Variants in RC3H1 observed in about 807,000 individuals in gnomAD.
The protein encoded by RC3H1 is roquin-1.
A neutral mutation model predicts 138.2 loss-of-function variants in RC3H1; 50 were observed. That is an observed-to-expected ratio of 0.36 (90% CI 0.29 to 0.46). The LOEUF (loss-of-function observed/expected upper bound fraction) is 0.46, where lower values mean the gene tolerates loss of function less well. Ranked by LOEUF, RC3H1 falls within the 20% of genes least tolerant of loss-of-function variation. The probability of loss-of-function intolerance (pLI) is 1.00; values close to 1 mark genes in which losing one functional copy is unlikely to be tolerated. For missense variants in RC3H1, 1,031 were observed against 1,388.1 expected, an observed-to-expected ratio of 0.74 and a Z score of 4.09; for synonymous variants, 462 against 489.1, an observed-to-expected ratio of 0.94 and a Z score of 0.73.
chr1:173,956,636 G>C (rs1479451117), intron 13 of RC3H1, among the ~76,000 whole-genome samples: 2 of 143,826 alleles, frequency 1.4e-5, no homozygotes, highest in East Asian at 4.0e-4. Context: ...TCCAGCCCGG[G>C]CAACAAGAGT....
At position 173,949,513 on chromosome 1, in the gene RC3H1, C is replaced by T. The variant is rs1032123887; in HGVS notation, c.2524-1931G>A. On this transcript the variant is annotated intron_variant, in intron 14 of 19. Coordinates refer to ENST00000367696, the MANE Select transcript of RC3H1 (RefSeq NM_172071.4). ...CCTCCCAAGTACCTGGGATTACAGG[C>T]TCCTGCTACCATGCCCAGCTAATTT... 5.9e-5 allele frequency among the ~76,000 whole-genome samples: 9 copies of T among 152,122 alleles called. No homozygotes were observed. The East Asian group carries it at 1.7e-3, about 29-fold the overall frequency.
At chr1:174,014,093 C>G (rs1359587222) in intron 1 of RC3H1, among the ~76,000 whole-genome samples, 1 of 152,094 alleles carries the variant, frequency 6.6e-6, no homozygotes, top group Non-Finnish European at 1.5e-5. Flanking sequence ...GAACATGGGA[C>G]ATTTTTAGGT....
At chr1:173,956,085 C>T (rs976614165) in intron 13 of RC3H1, among the ~76,000 whole-genome samples, 5 of 145,586 alleles carry the variant, frequency 3.4e-5, no homozygotes, top group African/African-American at 7.9e-5. Flanking sequence ...GAGCCGAGAT[C>T]GTGCCACTGC....
At position 173,943,547 on chromosome 1, in the gene RC3H1, T is replaced by C. The variant is rs139901525; in HGVS notation, c.3030A>G (p.Pro1010=). ...TCCCAGGCCATTTTGGAGGTGGCGG[T>C]GGTGGGGGCTGTGACTGGCCTGCCA... ...NTLAGQSQPP[P]PPPPKWPGMI... The change falls in exon 18 of 20, where the codon CCA becomes CCG. Residue 1010 remains proline, a synonymous_variant. Transcript: ENST00000367696. 9.4e-4 allele frequency: 1,522 copies of C among 1,614,002 alleles called. 8 individuals are homozygous for C. In the African/African-American group the frequency reaches 0.012, roughly 13 times the overall value.
chr1:174,009,485 A>G (rs1452651294), intron 1 of RC3H1: 1 of 152,098 alleles, frequency 6.6e-6, no homozygotes, highest in Non-Finnish European at 1.5e-5. Context: ...TTCTCATCCA[A>G]CATCTGTGTT....
intron 14 of RC3H1, among the ~76,000 whole-genome samples, chr1:173,951,111 G>C (rs1659376534): frequency 6.6e-6 from 1 of 152,084 alleles, no homozygotes; most frequent in Non-Finnish European, 1.5e-5. Flanking sequence ...GATCACTTGA[G>C]GTCGGGAGTT....
intron 11 of RC3H1, among the ~76,000 whole-genome samples, chr1:173,963,335 C>A (rs536371802): frequency 6.6e-6 from 1 of 152,106 alleles, no homozygotes; most frequent in South Asian, 2.1e-4. Context: ...CTTTTTGATT[C>A]CTCAAGTTCT....
chr1:173,976,917 T>C (rs1174242269), intron 7 of RC3H1, among the ~76,000 whole-genome samples: 3 of 145,714 alleles, frequency 2.1e-5, no homozygotes, highest in East Asian at 2.0e-4. Flanking sequence ...ATCAGGGATG[T>C]GATTTCTTTT....
Position 173,961,993 on chromosome 1 carries a change from T to G in RC3H1, c.1934A>C (p.Tyr645Ser), listed in dbSNP as rs1278516903. 2 of 1,613,652 alleles carry G rather than the reference T, an allele frequency of 1.2e-6. No individual in the cohort carries two copies. The highest frequency in any genetic ancestry group is 2.2e-5 in the South Asian group (2 of 91,044). ...AGAGTTTACAACACGTTCTTGGAGG[T>G]AGGGTGGATAATGATCCAAGTAGGG... is the stretch of plus-strand genomic sequence containing the variant. ...APPYLDHYPP[Y>S]LQERVVNSQY... The change falls in exon 12 of 20, where the codon TAC becomes TCC. Residue 645 changes from tyrosine (Y) to serine (S), a missense_variant. Around this residue, in one of 7 missense-constraint regions of RC3H1, gnomAD observed 716 missense variants for 837.9 expected, o/e 0.85. Coordinates refer to ENST00000367696, the MANE Select transcript of RC3H1 (RefSeq NM_172071.4).
Position 173,963,954 on chromosome 1 carries a change from A to G in RC3H1, c.1831+19T>C, listed in dbSNP as rs777245522. ...ATAATTCCTAAGAAAAGTTAGCAAT[A>G]TAAATTTAAAATCGTTACCCTGCTG... On this transcript the variant is annotated intron_variant, in intron 11 of 19. Transcript: ENST00000367696. 1 of 1,602,096 alleles carries G rather than the reference A, an allele frequency of 6.2e-7. No homozygotes were observed. Among genetic ancestry groups the G allele is most frequent in the South Asian group, 1.1e-5 (1 of 90,506 alleles).
chr1:173,945,811 G>A (rs940209250), intron 17 of RC3H1, among the ~76,000 whole-genome samples: 15 of 151,760 alleles, frequency 9.9e-5, no homozygotes, highest in African/African-American at 2.9e-4. Flanking sequence ...GGGTTCACAC[G>A]ATTCTCCTGC....
At chr1:173,964,720 TA>T in intron 10 of RC3H1, 118 bp downstream of exon 10, 1 of 1,026,228 alleles carries the variant, frequency 9.7e-7, no homozygotes, top group Non-Finnish European at 1.4e-6. Context: ...AGCAACAAAA[TA>T]AAGGCCAAAA....
rs1660783295 is a variant in RC3H1 at position 173,980,809 on chromosome 1, C to G, written c.969G>C (p.Lys323Asn). The change falls in exon 6 of 20, where the codon AAG (lysine) becomes AAC (asparagine). Residue 323 changes from lysine (K) to asparagine (N), a missense_variant and splice_region_variant. By Grantham distance (94) the Lys-to-Asn change is moderately conservative. Coordinates refer to ENST00000367696, the MANE Select transcript of RC3H1 (RefSeq NM_172071.4). Reference protein sequence around the residue: ...HKSHMQSIIDKLQTPASFAQS... With the variant: ...HKSHMQSIIDNLQTPASFAQS... Reference sequence around the variant, plus strand: ...AAGTAAGGAACAAAAAAGGTCCTACCTTGTCAATAATGGACTGCATATGAG... The same window carrying G: ...AAGTAAGGAACAAAAAAGGTCCTACGTTGTCAATAATGGACTGCATATGAG... 1 of 1,611,358 alleles carries G rather than the reference C, an allele frequency of 6.2e-7. No individual in the cohort carries two copies. The highest frequency in any genetic ancestry group is 8.5e-7 in the Non-Finnish European group (1 of 1,177,974).
chr1:173,970,898 TCTTATA>T (rs1430613095), intron 8 of RC3H1, among the ~76,000 whole-genome samples: 1 of 152,040 alleles, frequency 6.6e-6, no homozygotes, highest in Non-Finnish European at 1.5e-5. Flanking sequence ...TCATGGGCAT[TCTTATA>T]CTTGTATTAT....
chr1:173,941,252 TC>T lies in RC3H1; in HGVS notation c.3251+12del. The T allele has an allele frequency of 6.6e-7, 1 of 1,517,366 alleles. No homozygotes were observed. Among genetic ancestry groups the T allele is most frequent in the African/African-American group, 1.4e-5 (1 of 73,056 alleles). 94.0% of individuals were successfully genotyped at this position (1,517,366 alleles called of 1,614,324 possible). A position where few individuals can be genotyped will look rare whatever the true frequency, so the allele number is the denominator to read the frequency against. ...GTAATTTAATATGGCTACGACAATC[TC>T]CTTTTCTTTACCTGAATGTCAATGT... On this transcript the variant is annotated intron_variant, in intron 19 of 19. Transcript: ENST00000367696.
intron 7 of RC3H1, among the ~76,000 whole-genome samples, chr1:173,974,725 T>C (rs1173725320): frequency 1.3e-5 from 2 of 152,098 alleles, no homozygotes; most frequent in Non-Finnish European, 2.9e-5. Context: ...TGAGGCCCTA[T>C]AGATCATGGG....
At chr1:173,991,666 A>C (rs559545825) in intron 2 of RC3H1, among the ~76,000 whole-genome samples, 1 of 152,276 alleles carries the variant, frequency 6.6e-6, no homozygotes, top group East Asian at 1.9e-4. Flanking sequence ...TTTTATTATG[A>C]AAAGGTATTG....
At chr1:173,994,015 C>A (rs2103047711) in intron 1 of RC3H1, among the ~76,000 whole-genome samples, 1 of 106,024 alleles carries the variant, frequency 9.4e-6, no homozygotes, top group Non-Finnish European at 1.8e-5. Context: ...AGTGAAACTC[C>A]ATCTCAGAAA....
chr1:173,941,512 G>T (rs1658859953), intron 18 of RC3H1, 132 bp from the exon 19 acceptor site: 3 of 610,886 alleles, frequency 4.9e-6, no homozygotes, highest in Non-Finnish European at 8.7e-6. Context: ...AAAGAAACTG[G>T]CAGACTAAAA....
Sources: gnomAD v4.1 joint callset for allele counts (sites outside exome capture counted in the v4.1 genomes callset) on GRCh38, gnomAD v4.1.1 for gene constraint, gnomAD v4.1.1 regional missense constraint, MANE v1.5 for transcripts, NCBI Gene and HGNC (gene_info 2026-07-23, HGNC 2026-07-21) for gene names.